Variants in FGD3 observed in about 807,000 individuals in gnomAD.
The protein encoded by FGD3 is FYVE, RhoGEF and PH domain-containing protein 3.
In FGD3, 45 loss-of-function variants were observed where a neutral mutation model predicts 71.8. The ratio of observed to expected loss-of-function variants is 0.63; its 90% CI spans 0.49 to 0.80. The LOEUF is 0.80. FGD3 is among the 30% of genes least tolerant of loss of function. The probability of loss-of-function intolerance (pLI) is 0.00; values close to 1 mark genes in which losing one functional copy is unlikely to be tolerated. For synonymous variants in FGD3, 378 were observed against 392.8 expected (o/e 0.96, Z 0.44); for missense variants, 844 against 951.5 (o/e 0.89, Z 1.49).
chr9:93,020,958 T>C (rs1026408576), intron 13 of FGD3, among the ~76,000 whole-genome samples: 2 of 152,218 alleles, frequency 1.3e-5, no homozygotes, highest in African/African-American at 2.4e-5. Context: ...GAAGCGCTCC[T>C]TCATGACCTG....
chr9:92,999,136 C>T (rs1174468587), intron 3 of FGD3, among the ~76,000 whole-genome samples: 3 of 152,154 alleles, frequency 2.0e-5, no homozygotes, highest in African/African-American at 4.8e-5. Flanking sequence ...TCGAGTTTCC[C>T]GGCGGCTTTG....
intron 3 of FGD3, among the ~76,000 whole-genome samples, chr9:92,983,383 G>A (rs1860068118): frequency 6.6e-6 from 1 of 151,796 alleles, no homozygotes; most frequent in South Asian, 2.1e-4. Flanking sequence ...AAATTAGCCA[G>A]GCGAGGTGGC....
chr9:92,976,741 G>A, intron 3 of FGD3, 32 bp downstream of exon 3: 2 of 1,522,264 alleles, frequency 1.3e-6, no homozygotes, highest in Non-Finnish European at 1.8e-6. Context: ...CCCGCTGCGG[G>A]CTGCAGGCCT....
At chr9:92,962,541 A>T (rs983052501) in intron 1 of FGD3, among the ~76,000 whole-genome samples, 1 of 152,192 alleles carries the variant, frequency 6.6e-6, no homozygotes, top group Non-Finnish European at 1.5e-5. Flanking sequence ...GGTGGCTGGG[A>T]TCCCTTGAGT....
At chr9:93,018,751 GC>G (rs1861799634) in intron 11 of FGD3, among the ~76,000 whole-genome samples, 1 of 152,186 alleles carries the variant, frequency 6.6e-6, no homozygotes, top group Admixed American at 6.5e-5. Context: ...GGGACTCGGG[GC>G]GGTTTTAGTA....
chr9:93,023,213 C>T (rs1001509295), intron 14 of FGD3, among the ~76,000 whole-genome samples: 5 of 152,188 alleles, frequency 3.3e-5, no homozygotes, highest in African/African-American at 1.2e-4. Context: ...CCCCAGATGG[C>T]TGCCCTAGCC....
At chr9:92,950,413 C>T (rs1858933290) in intron 1 of FGD3, among the ~76,000 whole-genome samples, 1 of 147,240 alleles carries the variant, frequency 6.8e-6, no homozygotes, top group Admixed American at 6.7e-5. Flanking sequence ...AGCAAGATTC[C>T]ATCTCAAAAA....
intron 3 of FGD3, among the ~76,000 whole-genome samples, chr9:92,980,321 C>T (rs1259850554): frequency 6.6e-6 from 1 of 152,186 alleles, no homozygotes; most frequent in Middle Eastern, 3.4e-3. Context: ...TTCCCAGCCT[C>T]CTTTTTTCTT....
At position 93,020,309 on chromosome 9, in the gene FGD3, G is replaced by T. The variant is rs560548390; in HGVS notation, c.1387-8G>T. The T allele has an allele frequency of 1.2e-6, 2 of 1,608,298 alleles. No homozygotes were observed. The highest frequency in any genetic ancestry group is 3.4e-5 in the Admixed American group (2 of 58,876). ...TTATAGTCCTCACTGTTGTGTTGCT[G>T]TGTCCAGATCATCCAGGCCACCATC... On this transcript the variant is annotated splice_region_variant and splice_polypyrimidine_tract_variant and intron_variant, in intron 12 of 17. Coordinates refer to ENST00000375482, the MANE Select transcript of FGD3 (RefSeq NM_001083536.2).
chr9:92,949,855 C>A (rs1273738509), intron 1 of FGD3, among the ~76,000 whole-genome samples: 1 of 152,208 alleles, frequency 6.6e-6, no homozygotes. Flanking sequence ...CTCTCCCTGT[C>A]CTGCTGGCCA....
At chr9:92,995,714 C>G (rs1259245466) in intron 3 of FGD3, among the ~76,000 whole-genome samples, 7 of 152,126 alleles carry the variant, frequency 4.6e-5, no homozygotes, top group African/African-American at 1.7e-4. Context: ...AAGGCCTTTT[C>G]TGCATCTATT....
At position 93,003,535 on chromosome 9, in the gene FGD3, AT is replaced by A. The variant is rs1359618555; in HGVS notation, c.544-465del. Among the ~76,000 whole-genome samples, 1 of 152,204 alleles carries A rather than the reference AT, an allele frequency of 6.6e-6. No individual in the cohort carries two copies. The highest frequency in any genetic ancestry group is 2.4e-5 in the African/African-American group (1 of 41,446). On this transcript the variant is annotated intron_variant, in intron 4 of 17. Transcript: ENST00000375482. The surrounding 1 kb of genome is among the most constrained non-coding windows in gnomAD (Gnocchi z 4.1). ...GCAGCTGCATGATCTGAGCATGTAA[AT>A]GGCTTCTGGATGTTTTTCTGCATAA...
chr9:92,970,652 G>C (rs74721584), intron 1 of FGD3, among the ~76,000 whole-genome samples: 1 of 152,238 alleles, frequency 6.6e-6, no homozygotes, highest in African/African-American at 2.4e-5. Flanking sequence ...TATTTTGCTC[G>C]ATGGGGAGTG....
chr9:93,004,131 A>T lies in FGD3; in HGVS notation c.674A>T (p.Glu225Val). The change falls in exon 5 of 18, where the codon GAG becomes GTG. Residue 225 changes from glutamate to valine, a missense_variant. Transcript: ENST00000375482. The stretch of plus-strand genomic sequence containing the variant: ...CCGGAGCTGAAGACGCGGATCACGG[A>T]GGAGTGGTGAGTACCATCTGCGCAT... The part of the protein sequence containing the change: ...LLPELKTRIT[E>V]EWDTNPRLGD... The T allele has an allele frequency of 6.2e-7, 1 of 1,613,782 alleles. No individual in the cohort carries two copies. Among genetic ancestry groups the T allele is most frequent in the South Asian group, 1.1e-5 (1 of 91,082 alleles).
At chr9:93,029,826 G>T in intron 14 of FGD3, 48 bp from the exon 15 acceptor site, 1 of 1,595,246 alleles carries the variant, frequency 6.3e-7, no homozygotes, top group East Asian at 2.3e-5. Context: ...GTGGGGTAGG[G>T]TGCACACATG....
At chr9:92,953,931 G>A (rs1460156476) in intron 1 of FGD3, among the ~76,000 whole-genome samples, 3 of 152,326 alleles carry the variant, frequency 2.0e-5, no homozygotes, top group East Asian at 1.9e-4. Flanking sequence ...CAGACATGGA[G>A]ACAGCTGGCT....
At chr9:93,015,882 G>C (rs1260126317) in intron 10 of FGD3, 53 bp downstream of exon 10, 14 of 1,522,904 alleles carry the variant, frequency 9.2e-6, no homozygotes, top group Non-Finnish European at 1.3e-5. Flanking sequence ...GCACTGAGCA[G>C]GACTGGGGAC....
Position 93,032,887 on chromosome 9 carries a change from GCTC to G in FGD3, c.1785+17_1785+19del. ...GAGAGCACAGAGGTGGGTGCTCCCA[GCTC>G]CTGCTCCCCTCCTGGTGGCGCGGCA... On this transcript the variant is annotated intron_variant, in intron 16 of 17. Coordinates refer to ENST00000375482, the MANE Select transcript of FGD3 (RefSeq NM_001083536.2). 6.2e-7 allele frequency: 1 copy of G among 1,609,438 alleles called. No homozygotes were observed. Among genetic ancestry groups the G allele is most frequent in the Non-Finnish European group, 8.5e-7 (1 of 1,175,736 alleles).
intron 3 of FGD3, among the ~76,000 whole-genome samples, chr9:92,982,184 C>T (rs1040817643): frequency 2.0e-5 from 3 of 152,192 alleles, no homozygotes; most frequent in Non-Finnish European, 4.4e-5. Flanking sequence ...GTACTTTTTA[C>T]TTCTGTGAGA....
Sources: gnomAD v4.1 joint callset for allele counts (sites outside exome capture counted in the v4.1 genomes callset) on GRCh38, gnomAD v4.1.1 for gene constraint, Gnocchi (gnomAD v3.1) non-coding constraint, MANE v1.5 for transcripts, NCBI Gene and HGNC (gene_info 2026-07-23, HGNC 2026-07-21) for gene names.